VPS13B: variants seen among roughly 807,000 people sequenced by gnomAD.
VPS13B encodes the protein vacuolar protein sorting 13 homolog B.
VPS13B carries 285 observed loss-of-function variants against 426.4 expected under a neutral mutation model. The ratio of observed to expected loss-of-function variants is 0.67; its 90% CI spans 0.61 to 0.74. VPS13B has a LOEUF of 0.74. Ranked by LOEUF, VPS13B falls within the 30% of genes least tolerant of loss-of-function variation. The probability of loss-of-function intolerance (pLI) is 0.00; values close to 1 mark genes in which losing one functional copy is unlikely to be tolerated. For synonymous variants in VPS13B, 1,676 were observed against 1,676.4 expected, an observed-to-expected ratio of 1.00 and a Z score of 0.01; for missense variants, 4,537 against 4,782.6, an observed-to-expected ratio of 0.95 and a Z score of 1.51.
chr8:99,476,783 C>CT (rs1004545795), intron 24 of VPS13B, among the ~76,000 whole-genome samples: 8 of 152,150 alleles, frequency 5.3e-5, no homozygotes, highest in Non-Finnish European at 1.2e-4. Context: ...AGAAAAGACT[C>CT]TATCACCAGT....
intron 16 of VPS13B, among the ~76,000 whole-genome samples, chr8:99,184,694 T>G (rs1222771359): frequency 6.6e-6 from 1 of 152,182 alleles, no homozygotes; most frequent in Non-Finnish European, 1.5e-5. Context: ...TAATTAAAAA[T>G]ATATGACAAA....
At chr8:99,296,419 A>G (rs1208216229) in intron 19 of VPS13B, among the ~76,000 whole-genome samples, 1 of 152,188 alleles carries the variant, frequency 6.6e-6, no homozygotes, top group Non-Finnish European at 1.5e-5. Context: ...GACATATGCT[A>G]GATTCTTATT....
At chr8:99,084,893 A>G (rs1403793832) in intron 3 of VPS13B, among the ~76,000 whole-genome samples, 2 of 152,188 alleles carry the variant, frequency 1.3e-5, no homozygotes, top group African/African-American at 2.4e-5. Context: ...CAATTTTGGA[A>G]TAAGTGCGGC....
chr8:99,671,425 G>A (rs1830712505), intron 35 of VPS13B, among the ~76,000 whole-genome samples: 1 of 152,010 alleles, frequency 6.6e-6, no homozygotes, highest in Non-Finnish European at 1.5e-5. Flanking sequence ...CATTCTGTAG[G>A]TTATCTCTTC....
At chr8:99,602,674 C>G (rs1352457807) in intron 33 of VPS13B, among the ~76,000 whole-genome samples, 1 of 152,212 alleles carries the variant, frequency 6.6e-6, no homozygotes, top group Non-Finnish European at 1.5e-5. Flanking sequence ...TGATAAGCAA[C>G]TTCAGCAAAG....
chr8:99,089,113 G>A (rs1029564695), intron 3 of VPS13B, among the ~76,000 whole-genome samples: 4 of 152,088 alleles, frequency 2.6e-5, no homozygotes, highest in Non-Finnish European at 4.4e-5. Context: ...TTAGTATTGG[G>A]CATTTAATAG....
intron 19 of VPS13B, among the ~76,000 whole-genome samples, chr8:99,290,268 A>G (rs1007363333): frequency 1.1e-4 from 16 of 152,108 alleles, no homozygotes; most frequent in African/African-American, 1.9e-4. Context: ...ATGTCCATCA[A>G]TGATAGACTG....
intron 30 of VPS13B, among the ~76,000 whole-genome samples, chr8:99,523,192 C>T (rs1485166027): frequency 6.6e-6 from 1 of 152,146 alleles, no homozygotes; most frequent in Admixed American, 6.5e-5. Flanking sequence ...CCAGCTCATC[C>T]TCAATAGAAC....
chr8:99,217,253 A>G (rs1218025940), intron 17 of VPS13B, among the ~76,000 whole-genome samples: 1 of 152,164 alleles, frequency 6.6e-6, no homozygotes. Context: ...GGCTTCATAT[A>G]TACTAACACA....
At chr8:99,360,242 CCTTCCTTCCTTCCTTCCTTCCT>C (rs1812483903) in intron 19 of VPS13B, among the ~76,000 whole-genome samples, 3 of 90,122 alleles carry the variant, frequency 3.3e-5, no homozygotes, top group African/African-American at 1.0e-4. Flanking sequence ...TTCTCTCTCT[CCTTCCTTCCTTCCTTCCTTCCT>C]TCCTTCCTTC....
At chr8:99,691,253 G>T (rs992262978) in intron 35 of VPS13B, among the ~76,000 whole-genome samples, 28 of 146,276 alleles carry the variant, frequency 1.9e-4, no homozygotes, top group African/African-American at 7.5e-4. Context: ...GATACTGTGT[G>T]TGTGTGTGTG....
chr8:99,446,236 C>CA (rs1817913480), intron 23 of VPS13B, among the ~76,000 whole-genome samples: 1 of 150,988 alleles, frequency 6.6e-6, no homozygotes, highest in Non-Finnish European at 1.5e-5. Context: ...GTTTCTTTGC[C>CA]TTTTTTTTTG....
chr8:99,832,399 A>G lies in VPS13B; in HGVS notation c.9361A>G (p.Ser3121Gly). The G allele has an allele frequency of 7.7e-7, 1 of 1,296,418 alleles. No homozygotes were observed. Among genetic ancestry groups the G allele is most frequent in the Non-Finnish European group, 1.0e-6 (1 of 1,002,050 alleles). The allele number at this position is 1,296,418 out of a possible 1,614,324, so 80.3% of individuals were successfully genotyped here. ...TCGTGTTCCAGACAGTGCTACTTTT[A>G]GCATTTGCCCAGGTGGAGAGCAGCC... The part of the protein sequence containing the change: ...YFRVPDSATF[S>G]ICPGGEQPAM... Residue 3121 changes from serine to glycine, a missense_variant, in exon 52 of 62, where the codon AGC (serine) becomes GGC (glycine). This residue lies in a region of VPS13B where 4,311 missense variants were observed against 4,474.3 expected (regional missense o/e 0.96). Transcript: ENST00000357162.
At chr8:99,770,238 A>G (rs1477203964) in intron 40 of VPS13B, among the ~76,000 whole-genome samples, 2 of 152,114 alleles carry the variant, frequency 1.3e-5, no homozygotes, top group Non-Finnish European at 2.9e-5. Flanking sequence ...GGTTTTTGGG[A>G]GGGAGCATTT....
At chr8:99,552,484 G>A (rs1824331050) in intron 30 of VPS13B, among the ~76,000 whole-genome samples, 1 of 151,878 alleles carries the variant, frequency 6.6e-6, no homozygotes, top group South Asian at 2.1e-4. Flanking sequence ...TACCATATGT[G>A]AGACTCAAAC....
Position 99,707,899 on chromosome 8 carries a change from G to A in VPS13B, c.6454+7967G>A, listed in dbSNP as rs796947762. ...ACCAGTCTTTCAAAACCTGGATTAT[G>A]TAGATCAAGACCATTTTCTAAGGCA... On this transcript the variant is annotated intron_variant, in intron 36 of 61. Coordinates refer to ENST00000357162, the MANE Select transcript of VPS13B (RefSeq NM_152564.5). Among the ~76,000 whole-genome samples the A allele has an allele frequency of 2.5e-4, 38 of 152,276 alleles. 1 individual carries two copies. Among genetic ancestry groups the A allele is most frequent in the Middle Eastern group, 3.4e-3 (1 of 294 alleles).
Position 99,778,618 on chromosome 8 carries a change from T to C in VPS13B, c.7430-64T>C, listed in dbSNP as rs561197045. ...GTGAATAGTTTGAATGTCATTTCAC[T>C]CTTTATTTTCACAAAATATTGGCTC... On this transcript the variant is annotated intron_variant, in intron 41 of 61. Coordinates refer to ENST00000357162, the MANE Select transcript of VPS13B (RefSeq NM_152564.5). 89 of 1,425,276 alleles carry C rather than the reference T, an allele frequency of 6.2e-5. 1 individual carries two copies. The African/African-American group carries it at 9.8e-4, about 16-fold the overall frequency. 88.3% of individuals were successfully genotyped at this position (1,425,276 alleles called of 1,614,324 possible).
intron 34 of VPS13B, among the ~76,000 whole-genome samples, chr8:99,649,607 G>A (rs1250566925): frequency 6.7e-6 from 1 of 148,884 alleles, no homozygotes; most frequent in Non-Finnish European, 1.5e-5. Flanking sequence ...TGCCACCACT[G>A]TAACAGTCCC....
intron 12 of VPS13B, among the ~76,000 whole-genome samples, chr8:99,138,728 A>C (rs1810217763): frequency 6.6e-6 from 1 of 152,172 alleles, no homozygotes; most frequent in Non-Finnish European, 1.5e-5. Flanking sequence ...GCAACTCAGA[A>C]GTCTTGTGTT....
Sources: gnomAD v4.1 joint callset for allele counts (sites outside exome capture counted in the v4.1 genomes callset) on GRCh38, gnomAD v4.1.1 for gene constraint, gnomAD v4.1.1 regional missense constraint, MANE v1.5 for transcripts, NCBI Gene and HGNC (gene_info 2026-07-23, HGNC 2026-07-21) for gene names.